The following NPC1 variants were observed in gnomAD, a reference collection of about 807,000 sequenced individuals.
NPC1 encodes the protein Niemann-Pick C1 protein.
In NPC1, 85 loss-of-function variants were observed where a neutral mutation model predicts 140.4. The ratio of observed to expected loss-of-function variants is 0.61; its 90% CI spans 0.51 to 0.72. The LOEUF (loss-of-function observed/expected upper bound fraction) is 0.72. NPC1 is among the 30% of genes least tolerant of loss of function. The pLI, the probability that NPC1 is intolerant of heterozygous loss-of-function variation, is 0.00. For synonymous variants in NPC1, 656 were observed against 624.8 expected (o/e 1.05, Z -0.74); for missense variants, 1,504 against 1,623.8 (o/e 0.93, Z 1.27).
At chr18:23,543,032 A>G (rs1341605827) in intron 14 of NPC1, among the ~76,000 whole-genome samples, 1 of 152,228 alleles carries the variant, frequency 6.6e-6, no homozygotes, top group African/African-American at 2.4e-5. Context: ...AGCTTAAAAA[A>G]AGGAGACAAC....
At chr18:23,527,805 G>C (rs770989841), downstream of NPC1, 2 of 1,613,910 alleles carry the variant, frequency 1.2e-6, no homozygotes, top group Non-Finnish European at 1.7e-6. Context: ...TGTTAAGTGA[G>C]TCAGACAGAG....
intron 6 of NPC1, among the ~76,000 whole-genome samples, chr18:23,558,351 C>T (rs2058984991): frequency 6.6e-6 from 1 of 152,336 alleles, no homozygotes; most frequent in Non-Finnish European, 1.5e-5. Flanking sequence ...GAAAGAGACG[C>T]ATCAACATCA....
chr18:23,564,874 A>ATTAT (rs527901377), intron 4 of NPC1, among the ~76,000 whole-genome samples: 1 of 152,120 alleles, frequency 6.6e-6, no homozygotes, highest in East Asian at 1.9e-4. Context: ...CAATTTCATT[A>ATTAT]TTATTTATTT....
chr18:23,543,619 A>T (rs767886795), intron 13 of NPC1, 50 bp from the exon 14 acceptor site: 1 of 1,098,076 alleles, frequency 9.1e-7, no homozygotes, highest in Middle Eastern at 2.0e-4. Context: ...TCTCAATAAC[A>T]ACGCCATTTC....
chr18:23,561,667 A>C, intron 4 of NPC1, 140 bp from the exon 5 acceptor site: 1 of 807,406 alleles, frequency 1.2e-6, no homozygotes, highest in South Asian at 1.5e-5. Flanking sequence ...AACACTAACT[A>C]AGGGCACGAA....
chr18:23,528,119 T>G, downstream of NPC1: 2 of 470,794 alleles, frequency 4.2e-6, no homozygotes, highest in Non-Finnish European at 7.5e-6. Context: ...TCTCACTTCA[T>G]ACCTTCACTG....
intron 8 of NPC1, 113 bp from the exon 9 acceptor site, chr18:23,555,097 T>C: frequency 1.3e-6 from 1 of 760,134 alleles, no homozygotes; most frequent in Non-Finnish European, 2.3e-6. Context: ...TTGGGGAAAA[T>C]ACTTCCTAAG....
chr18:23,576,924 T>A (rs1200292156), intron 1 of NPC1: 1 of 152,642 alleles, frequency 6.6e-6, no homozygotes, highest in Non-Finnish European at 1.5e-5. Context: ...TTCCACAGCA[T>A]GGAAGAGGAC....
intron 4 of NPC1, among the ~76,000 whole-genome samples, chr18:23,567,046 CTG>C (rs1242178801): frequency 2.6e-5 from 4 of 152,200 alleles, no homozygotes; most frequent in African/African-American, 9.7e-5. Flanking sequence ...TAATATTCCA[CTG>C]TGTGGATGTA....
chr18:23,534,597 T>C (rs755119611), intron 22 of NPC1, 38 bp from the exon 23 acceptor site: 5 of 1,535,666 alleles, frequency 3.3e-6, no homozygotes, highest in South Asian at 2.3e-5. Flanking sequence ...GCTCTCTTCC[T>C]GTTGAAGACC....
Position 23,540,446 on chromosome 18 carries a change from A to G in NPC1, c.2604+2T>C. ...AAAAAAAAAAAAAGGAAGTCATCTT[A>G]CATCTGGCATCGAAAGAGACTGATC... On this transcript the variant is annotated splice_donor_variant, in intron 17 of 24. Transcript: ENST00000269228. LOFTEE classifies it high-confidence loss of function. 1 of 1,574,994 alleles carries G rather than the reference A, an allele frequency of 6.3e-7. No homozygotes were observed. Among genetic ancestry groups the G allele is most frequent in the Admixed American group, 1.7e-5 (1 of 59,712 alleles).
At chr18:23,509,404 C>T (rs2057790871) in intron 3 of NPC1, 1 of 339,886 alleles carries the variant, frequency 2.9e-6, no homozygotes, top group Non-Finnish European at 5.2e-6. Flanking sequence ...GAGTCTTGCT[C>T]TGTTGCCCAG....
downstream of NPC1, among the ~76,000 whole-genome samples, chr18:23,521,057 G>T (rs1972093546): frequency 6.6e-6 from 1 of 152,064 alleles, no homozygotes; most frequent in African/African-American, 2.4e-5. Flanking sequence ...GTTTCACCAT[G>T]TTGGCCAGAC....
intron 7 of NPC1, 70 bp downstream of exon 7, chr18:23,557,047 T>C: frequency 7.7e-7 from 1 of 1,307,104 alleles, no homozygotes; most frequent in Non-Finnish European, 1.1e-6. Context: ...GCAACCCCAC[T>C]GAGGAAACGA....
At chr18:23,509,137 G>C in intron 3 of NPC1, 1 of 593,324 alleles carries the variant, frequency 1.7e-6, no homozygotes. Context: ...CTTTTGAAGA[G>C]AGTTATATGT....
At chr18:23,507,972 T>C in intron 3 of NPC1, 1 of 1,610,082 alleles carries the variant, frequency 6.2e-7, no homozygotes, top group Non-Finnish European at 8.5e-7. Context: ...TGTCTGTGTG[T>C]TTTTCCTTTC....
chr18:23,546,307 C>T (rs927345037), intron 11 of NPC1, among the ~76,000 whole-genome samples: 3 of 139,496 alleles, frequency 2.2e-5, no homozygotes, highest in African/African-American at 7.9e-5. Flanking sequence ...AAATCAAAAC[C>T]ACAATGAGAT....
intron 1 of NPC1, among the ~76,000 whole-genome samples, chr18:23,577,749 G>A (rs1213739430): frequency 2.6e-5 from 4 of 152,238 alleles, no homozygotes; most frequent in South Asian, 2.1e-4. Flanking sequence ...CTGGCATGGC[G>A]GGCTGCAGGT....
At chr18:23,565,816 T>TC (rs1223740162) in intron 4 of NPC1, among the ~76,000 whole-genome samples, 2 of 152,218 alleles carry the variant, frequency 1.3e-5, no homozygotes, top group African/African-American at 4.8e-5. Context: ...TCAGGGTTCA[T>TC]CCCTTATCCA....
Sources: gnomAD v4.1 joint callset for allele counts (sites outside exome capture counted in the v4.1 genomes callset) on GRCh38, gnomAD v4.1.1 for gene constraint, MANE v1.5 for transcripts, NCBI Gene and HGNC (gene_info 2026-07-23, HGNC 2026-07-21) for gene names.